TENM4: variants seen among roughly 807,000 people sequenced by gnomAD.
TENM4 encodes the protein teneurin-4.
TENM4 carries 82 observed loss-of-function variants against 243.3 expected under a neutral mutation model. The ratio of observed to expected loss-of-function variants is 0.34; its 90% CI spans 0.28 to 0.40. The LOEUF is 0.40. TENM4 is among the 10% of genes least tolerant of loss of function. The probability of loss-of-function intolerance (pLI) is 1.00; values close to 1 mark genes in which losing one functional copy is unlikely to be tolerated. For synonymous variants in TENM4, 1,412 were observed against 1,456.3 expected (o/e 0.97, Z 0.69); for missense variants, 3,138 against 3,673.3 (o/e 0.85, Z 3.77).
intron 6 of TENM4, among the ~76,000 whole-genome samples, chr11:78,930,001 AT>A (rs1176503747): frequency 1.1e-4 from 16 of 152,288 alleles, no homozygotes; most frequent in African/African-American, 3.4e-4. Context: ...TCCTAAATGA[AT>A]TTAGATTTTA....
chr11:79,270,874 T>G (rs1855956977), intron 2 of TENM4, among the ~76,000 whole-genome samples: 1 of 152,184 alleles, frequency 6.6e-6, no homozygotes, highest in Non-Finnish European at 1.5e-5. Flanking sequence ...AGCAGAGGGC[T>G]GGGCTCACAG....
intron 6 of TENM4, among the ~76,000 whole-genome samples, chr11:78,909,536 T>C (rs954915046): frequency 4.6e-5 from 7 of 152,206 alleles, no homozygotes; most frequent in Non-Finnish European, 2.9e-5. Context: ...TGAATGCAGG[T>C]AAGGTGCTTA....
chr11:79,313,615 G>A (rs921559400), intron 1 of TENM4, among the ~76,000 whole-genome samples: 2 of 152,212 alleles, frequency 1.3e-5, no homozygotes, highest in African/African-American at 4.8e-5. Context: ...ACATAATCCT[G>A]CTTCTGTCTG....
chr11:79,174,825 T>G (rs1863125498), intron 3 of TENM4, among the ~76,000 whole-genome samples: 1 of 152,246 alleles, frequency 6.6e-6, no homozygotes, highest in African/African-American at 2.4e-5. Flanking sequence ...TCATCAGGTC[T>G]AGGAGTGACA....
chr11:79,224,737 G>A (rs1430104317), intron 2 of TENM4, among the ~76,000 whole-genome samples: 1 of 152,166 alleles, frequency 6.6e-6, no homozygotes, highest in Non-Finnish European at 1.5e-5. Context: ...GATCATCTGA[G>A]GTCTGAAGTT....
At chr11:79,421,122 T>C (rs960133757) in intron 1 of TENM4, among the ~76,000 whole-genome samples, 1 of 152,202 alleles carries the variant, frequency 6.6e-6, no homozygotes, top group African/African-American at 2.4e-5. Flanking sequence ...AAATCACAAG[T>C]AGAGGCATTC....
intron 1 of TENM4, among the ~76,000 whole-genome samples, chr11:79,386,619 T>TTTCA (rs1468266475): frequency 6.6e-6 from 1 of 152,004 alleles, no homozygotes; most frequent in Admixed American, 6.5e-5. Flanking sequence ...AAAGAAGACA[T>TTTCA]CCAAATGGCC....
At chr11:79,107,229 G>T (rs1861394154) in intron 4 of TENM4, among the ~76,000 whole-genome samples, 1 of 152,102 alleles carries the variant, frequency 6.6e-6, no homozygotes, top group Non-Finnish European at 1.5e-5. Flanking sequence ...TTCTCACAAG[G>T]AATAATGAAT....
rs747308870 is a variant in TENM4 at position 78,708,420 on chromosome 11, A to T, written c.4150T>A (p.Ser1384Thr). 1.9e-6 allele frequency: 3 copies of T among 1,614,032 alleles called. No homozygotes were observed. The Admixed American group carries it at 5.0e-5, about 27-fold the overall frequency. ...QNGIISTLLG[S>T]NDLTSARPLS... The stretch of plus-strand genomic sequence containing the variant: ...GGCCGGGCTGATGTGAGATCATTAG[A>T]GCCGAGCAGGGTGGAGATGATCCCA... Residue 1384 changes from serine to threonine, a missense_variant, in exon 27 of 34, where the codon TCT becomes ACT. Transcript: ENST00000278550.
Position 78,726,090 on chromosome 11 carries a change from T to C in TENM4, c.3539A>G (p.Asn1180Ser), listed in dbSNP as rs745488399. ...GWSLDKHHAL[N>S]IQSGILHKGN... ...ATTAATCCACTTACCACTTTGAATG[T>C]TGAGGGCATGATGTTTGTCTAGGCT... Residue 1180 changes from asparagine (N) to serine (S), a missense_variant, in exon 23 of 34, where the codon AAC becomes AGC. Asn to Ser is a conservative substitution (Grantham distance 46). This residue lies in a region of TENM4 where 2,467 missense variants were observed against 3,059.1 expected (regional missense o/e 0.81). Transcript: ENST00000278550. 4 of 1,614,002 alleles carry C rather than the reference T, an allele frequency of 2.5e-6. No individual in the cohort carries two copies. The highest frequency in any genetic ancestry group is 3.4e-6 in the Non-Finnish European group (4 of 1,179,878).
intron 12 of TENM4, among the ~76,000 whole-genome samples, chr11:78,815,016 C>A (rs1323769043): frequency 1.3e-5 from 2 of 152,170 alleles, no homozygotes; most frequent in East Asian, 3.9e-4. Flanking sequence ...CTGATCCTAT[C>A]ACTCTCCTTA....
intron 3 of TENM4, among the ~76,000 whole-genome samples, chr11:79,210,997 C>G (rs1863944099): frequency 6.6e-6 from 1 of 152,112 alleles, no homozygotes; most frequent in African/African-American, 2.4e-5. Context: ...GCATCCAAAC[C>G]TTTCCCCGGT....
intron 17 of TENM4, among the ~76,000 whole-genome samples, chr11:78,776,951 T>C (rs754819245): frequency 3.7e-4 from 56 of 152,158 alleles, no homozygotes; most frequent in Non-Finnish European, 6.0e-4. Flanking sequence ...GAGTCCTGGT[T>C]CTGCTACTTA....
At chr11:79,226,187 A>C (rs1373142599) in intron 2 of TENM4, among the ~76,000 whole-genome samples, 1 of 152,190 alleles carries the variant, frequency 6.6e-6, no homozygotes, top group Non-Finnish European at 1.5e-5. Flanking sequence ...TGGCCCCTTG[A>C]AATGCTCCAA....
chr11:78,863,842 C>A (rs1015801924), intron 9 of TENM4, among the ~76,000 whole-genome samples: 1 of 152,134 alleles, frequency 6.6e-6, no homozygotes, highest in South Asian at 2.1e-4. Flanking sequence ...TCTAGAAATT[C>A]CTCCTCCAGA....
At chr11:79,061,322 T>G (rs556330042) in intron 6 of TENM4, among the ~76,000 whole-genome samples, 1 of 152,130 alleles carries the variant, frequency 6.6e-6, no homozygotes, top group East Asian at 1.9e-4. Context: ...GGAGTCTAGG[T>G]TTAGGGAGTC....
chr11:78,777,194 C>T (rs1031171152), intron 17 of TENM4, among the ~76,000 whole-genome samples: 6 of 152,034 alleles, frequency 3.9e-5, no homozygotes, highest in Non-Finnish European at 8.8e-5. Context: ...GTGTGAAATG[C>T]CTGTTTTTAA....
chr11:78,854,707 A>T (rs1335461590), intron 11 of TENM4, among the ~76,000 whole-genome samples: 7 of 152,066 alleles, frequency 4.6e-5, no homozygotes, highest in African/African-American at 1.7e-4. Flanking sequence ...TCCTGACAAG[A>T]ATCTTGGGGG....
chr11:79,437,766 C>CGCCGCGACCTGATTCCCGCCCT (rs1859307363), intron 1 of TENM4, among the ~76,000 whole-genome samples: 1 of 152,200 alleles, frequency 6.6e-6, no homozygotes, highest in Admixed American at 6.5e-5. Context: ...CTGCGGTCCC[C>CGCCGCGACCTGATTCCCGCCCT]GCCGCGACCT....
Sources: allele counts gnomAD v4.1 joint callset (sites outside exome capture counted in the v4.1 genomes callset), GRCh38; gene constraint gnomAD v4.1.1; regional missense constraint gnomAD v4.1.1; transcripts MANE v1.5; gene names NCBI Gene and HGNC (gene_info 2026-07-23, HGNC 2026-07-21).